The following SLC27A2 variants were observed in gnomAD, a reference collection of about 807,000 sequenced individuals.
SLC27A2 encodes long-chain fatty acid transport protein 2.
In SLC27A2, 54 loss-of-function variants were observed where a neutral mutation model predicts 60.0. That is an observed-to-expected ratio of 0.90 (90% CI 0.72 to 1.13). The LOEUF is 1.13. SLC27A2 is among the 50% of genes most tolerant of loss of function. The pLI, the probability that SLC27A2 is intolerant of heterozygous loss-of-function variation, is 0.00. For missense variants in SLC27A2, 739 were observed against 777.6 expected (o/e 0.95, Z 0.59); for synonymous variants, 297 against 297.6 (o/e 1.00, Z 0.02).
intron 8 of SLC27A2, among the ~76,000 whole-genome samples, chr15:50,233,247 A>G (rs2045327996): frequency 6.6e-6 from 1 of 152,214 alleles, no homozygotes; most frequent in Non-Finnish European, 1.5e-5. Context: ...CCTTGATTAG[A>G]TAAGTAGGTC....
chr15:50,216,610 G>GTGTGTGTGTGTGTGTGTGTGTATATATA (rs1323910367), intron 4 of SLC27A2, among the ~76,000 whole-genome samples: 2 of 66,492 alleles, frequency 3.0e-5, no homozygotes, highest in Non-Finnish European at 3.0e-5. Flanking sequence ...GTGTGTGTGT[G>GTGTGTGTGTGTGTGTGTGTGTATATATA]TATATATATA....
At chr15:50,183,432 A>C (rs2044888039) in intron 1 of SLC27A2, among the ~76,000 whole-genome samples, 1 of 152,120 alleles carries the variant, frequency 6.6e-6, no homozygotes, top group Non-Finnish European at 1.5e-5. Context: ...TGTTGCTTCC[A>C]GCTCTCAACT....
chr15:50,190,780 A>G (rs960221415), intron 1 of SLC27A2, among the ~76,000 whole-genome samples: 6 of 152,192 alleles, frequency 3.9e-5, no homozygotes, highest in African/African-American at 1.4e-4. Context: ...TCAGTCTACA[A>G]CTTAAAACTA....
At chr15:50,198,502 G>A (rs2045041483) in intron 2 of SLC27A2, 1 of 152,022 alleles carries the variant, frequency 6.6e-6, no homozygotes, top group African/African-American at 2.4e-5. Context: ...AGAACTGTCA[G>A]GATTCACCTT....
Position 50,223,171 on chromosome 15 carries a change from G to GA in SLC27A2, c.1167+17dup. The GA allele has an allele frequency of 6.3e-7, 1 of 1,592,296 alleles. No homozygotes were observed. Among genetic ancestry groups the GA allele is most frequent in the Non-Finnish European group, 8.6e-7 (1 of 1,165,424 alleles). ...ACTACCTACAGAAAGTAAGTACATTGAAAAATGAGAGCATACGTAGCCAGT... is the reference window on the plus strand; with the variant it reads ...ACTACCTACAGAAAGTAAGTACATTGAAAAAATGAGAGCATACGTAGCCAGT... On this transcript the variant is annotated intron_variant, in intron 5 of 9. Transcript: ENST00000267842.
In SLC27A2 at chr15:50,236,169, T is replaced by A; in HGVS notation, c.*73T>A. 7.7e-7 allele frequency: 1 copy of A among 1,293,036 alleles called. No individual in the cohort carries two copies. Among genetic ancestry groups the A allele is most frequent in the Non-Finnish European group, 1.0e-6 (1 of 954,514 alleles). The allele number at this position is 1,293,036 out of a possible 1,614,324, so 80.1% of individuals were successfully genotyped here. On this transcript the variant is annotated 3_prime_UTR_variant, in exon 10 of 10. Coordinates refer to ENST00000267842, the MANE Select transcript of SLC27A2 (RefSeq NM_003645.4). ...ACAGCCACTTGATATAATCCAACTT[T>A]AATTTGATTGAAGATTGTGAGGAAA... is the stretch of plus-strand genomic sequence containing the variant.
intron 8 of SLC27A2, among the ~76,000 whole-genome samples, chr15:50,232,856 AGAGCT>A (rs2045325004): frequency 6.6e-6 from 1 of 152,166 alleles, no homozygotes; most frequent in Non-Finnish European, 1.5e-5. Context: ...TGCCTTCTTT[AGAGCT>A]ATAGGTAAAC....
chr15:50,203,657 T>C (rs1248321221), intron 3 of SLC27A2, among the ~76,000 whole-genome samples: 1 of 152,104 alleles, frequency 6.6e-6, no homozygotes, highest in Non-Finnish European at 1.5e-5. Flanking sequence ...TATGCGTGTG[T>C]GTATATGCAT....
chr15:50,199,278 T>C (rs1398841454), intron 2 of SLC27A2, among the ~76,000 whole-genome samples: 1 of 151,550 alleles, frequency 6.6e-6, no homozygotes, highest in Non-Finnish European at 1.5e-5. Flanking sequence ...ATCAAGACCA[T>C]GCTGGCTAAC....
chr15:50,233,004 T>C (rs907182720), intron 8 of SLC27A2, among the ~76,000 whole-genome samples: 1 of 152,132 alleles, frequency 6.6e-6, no homozygotes, highest in Non-Finnish European at 1.5e-5. Context: ...CTGGATCAGG[T>C]AGAAGATACA....
chr15:50,206,127 G>C (rs2045109869), intron 4 of SLC27A2, among the ~76,000 whole-genome samples: 1 of 152,054 alleles, frequency 6.6e-6, no homozygotes, highest in Non-Finnish European at 1.5e-5. Context: ...GACATTTTGG[G>C]CTTTTAATTC....
rs758877406 is a variant in SLC27A2 at position 50,223,068 on chromosome 15, A to C, written c.1076A>C (p.Tyr359Ser). The change falls in exon 5 of 10, where the codon TAT becomes TCT. Residue 359 changes from tyrosine to serine, a missense_variant. Tyr to Ser is a moderately radical substitution (Grantham distance 144). Coordinates refer to ENST00000267842, the MANE Select transcript of SLC27A2 (RefSeq NM_003645.4). ...FVKRFGDICI[Y>S]EFYAATEGNI... Reference sequence around the variant, plus strand: ...AAGAGATTTGGGGACATATGCATCTATGAGTTCTATGCTGCCACTGAAGGC... The same window carrying C: ...AAGAGATTTGGGGACATATGCATCTCTGAGTTCTATGCTGCCACTGAAGGC... The C allele has an allele frequency of 6.2e-7, 1 of 1,614,048 alleles. No individual in the cohort carries two copies. The highest frequency in any genetic ancestry group is 1.1e-5 in the South Asian group (1 of 91,074).
intron 7 of SLC27A2, 115 bp from the exon 8 acceptor site, chr15:50,228,830 T>A: frequency 1.4e-6 from 1 of 724,240 alleles, no homozygotes; most frequent in Non-Finnish European, 2.4e-6. Flanking sequence ...GGGGCCAAGA[T>A]GAGGAACACG....
At chr15:50,194,447 A>AGTAGGAGAT (rs2044998208) in intron 1 of SLC27A2, among the ~76,000 whole-genome samples, 1 of 152,062 alleles carries the variant, frequency 6.6e-6, no homozygotes, top group South Asian at 2.1e-4. Flanking sequence ...AGAGGTAGAG[A>AGTAGGAGAT]GTAGGAGATG....
intron 8 of SLC27A2, among the ~76,000 whole-genome samples, chr15:50,232,400 C>T (rs1053947044): frequency 1.3e-5 from 2 of 150,292 alleles, no homozygotes; most frequent in African/African-American, 4.9e-5. Context: ...CTGAATTTTT[C>T]ATAATATTTA....
intron 4 of SLC27A2, among the ~76,000 whole-genome samples, chr15:50,206,495 C>G (rs976392125): frequency 1.3e-5 from 2 of 152,190 alleles, no homozygotes; most frequent in Non-Finnish European, 2.9e-5. Context: ...TGCTCTTCCC[C>G]CAGGTCTCTC....
rs560995459 is a variant in SLC27A2, at chr15:50,225,021, C to T, written c.1168-967C>T. Among the ~76,000 whole-genome samples, 3 of 152,098 alleles carry T rather than the reference C, an allele frequency of 2.0e-5. No homozygotes were observed. The South Asian group carries it at 6.2e-4, about 32-fold the overall frequency. On this transcript the variant is annotated intron_variant, in intron 5 of 9. Transcript: ENST00000267842. ...ACATTAAAAAAAAAAACTTTAAAAA[C>T]CGGATGATCCCATGCAATTGATGTA... is the stretch of plus-strand genomic sequence containing the variant.
At chr15:50,212,267 A>C (rs1348401068) in intron 4 of SLC27A2, among the ~76,000 whole-genome samples, 1 of 152,142 alleles carries the variant, frequency 6.6e-6, no homozygotes, top group African/African-American at 2.4e-5. Context: ...ATAATAAGGA[A>C]ATATGAACAA....
chr15:50,233,140 G>T (rs2045327136), intron 8 of SLC27A2, among the ~76,000 whole-genome samples: 1 of 152,148 alleles, frequency 6.6e-6, no homozygotes, highest in Non-Finnish European at 1.5e-5. Flanking sequence ...GGACTAATGG[G>T]CCTTAATGGG....
Sources: allele counts gnomAD v4.1 joint callset (sites outside exome capture counted in the v4.1 genomes callset), GRCh38; gene constraint gnomAD v4.1.1; transcripts MANE v1.5; gene names NCBI Gene and HGNC (gene_info 2026-07-23, HGNC 2026-07-21).